The following SMYD3 variants were observed in gnomAD, a reference collection of about 807,000 sequenced individuals.
SMYD3 encodes histone-lysine N-methyltransferase SMYD3.
A neutral mutation model predicts 57.7 loss-of-function variants in SMYD3; 36 were observed. The ratio of observed to expected loss-of-function variants is 0.62; its 90% CI spans 0.48 to 0.82. SMYD3 has a LOEUF of 0.82. Among genes scored for constraint, SMYD3 ranks in the 40% least tolerant of loss-of-function variants. SMYD3 has a pLI of 0.00. For synonymous variants in SMYD3, 211 were observed against 195.0 expected, an observed-to-expected ratio of 1.08 and a Z score of -0.68; for missense variants, 515 against 538.8, an observed-to-expected ratio of 0.96 and a Z score of 0.44.
At chr1:246,073,853 G>A (rs1256961862) in intron 5 of SMYD3, among the ~76,000 whole-genome samples, 4 of 151,990 alleles carry the variant, frequency 2.6e-5, no homozygotes, top group Non-Finnish European at 5.9e-5. Flanking sequence ...AAAGCACAAC[G>A]CCAGATACTA....
intron 5 of SMYD3, among the ~76,000 whole-genome samples, chr1:246,270,105 T>C (rs2064192931): frequency 6.8e-6 from 1 of 147,722 alleles, no homozygotes; most frequent in African/African-American, 2.5e-5. Context: ...CCCTACCCTC[T>C]TAATCCCTGA....
At chr1:245,942,891 AAAT>A (rs2057299551) in intron 5 of SMYD3, among the ~76,000 whole-genome samples, 1 of 152,208 alleles carries the variant, frequency 6.6e-6, no homozygotes. Flanking sequence ...ACTCCTGGGT[AAAT>A]AATGAAATTG....
chr1:245,817,456 A>G (rs1479620651), intron 10 of SMYD3, among the ~76,000 whole-genome samples: 19 of 150,508 alleles, frequency 1.3e-4, no homozygotes, highest in East Asian at 1.2e-3. Context: ...AAAAAACAGA[A>G]CAGAAAAACT....
chr1:246,298,363 C>A (rs2064833390), intron 5 of SMYD3, among the ~76,000 whole-genome samples: 1 of 151,904 alleles, frequency 6.6e-6, no homozygotes, highest in African/African-American at 2.4e-5. Context: ...TTTTCTATGA[C>A]CAAAATCATA....
intron 2 of SMYD3, among the ~76,000 whole-genome samples, chr1:246,350,012 A>G (rs2065796836): frequency 6.6e-6 from 1 of 152,214 alleles, no homozygotes; most frequent in Non-Finnish European, 1.5e-5. Context: ...AAACCCAACC[A>G]TATGTCATCC....
chr1:246,329,914 C>T (rs1042722031), intron 4 of SMYD3, among the ~76,000 whole-genome samples: 5 of 152,122 alleles, frequency 3.3e-5, no homozygotes, highest in African/African-American at 9.7e-5. Flanking sequence ...AAAGGATCTG[C>T]GCCAATACAA....
intron 5 of SMYD3, among the ~76,000 whole-genome samples, chr1:245,978,586 A>C (rs2058513268): frequency 6.6e-6 from 1 of 152,298 alleles, no homozygotes; most frequent in Admixed American, 6.5e-5. Flanking sequence ...GGCAGAGAGA[A>C]CTATTTCAAA....
At chr1:245,913,554 A>G (rs116184010) in intron 8 of SMYD3, among the ~76,000 whole-genome samples, 4,566 of 152,152 alleles carry the variant, frequency 0.03, 229 homozygotes, top group African/African-American at 0.1. Context: ...ACTTCAGAAC[A>G]TTGGTCTAGG....
At chr1:246,314,690 A>T (rs919877882) in intron 5 of SMYD3, among the ~76,000 whole-genome samples, 2 of 152,188 alleles carry the variant, frequency 1.3e-5, no homozygotes, top group Non-Finnish European at 2.9e-5. Flanking sequence ...AATATGTAAT[A>T]CAGCAGTTCT....
At chr1:246,255,714 G>A (rs2063871290) in intron 5 of SMYD3, among the ~76,000 whole-genome samples, 1 of 150,650 alleles carries the variant, frequency 6.6e-6, no homozygotes. Context: ...ATTGGTAGCA[G>A]CTCCTATTTG....
Position 246,068,416 on chromosome 1 carries a change from G to A in SMYD3, c.532-138479C>T, listed in dbSNP as rs529002037. On this transcript the variant is annotated intron_variant, in intron 5 of 11. Transcript: ENST00000490107. ...ATAATTCTCTTCTTTATAACAAAAAGTCTTCTGACAACACAATCAAAAACG... is the reference window on the plus strand; with the variant it reads ...ATAATTCTCTTCTTTATAACAAAAAATCTTCTGACAACACAATCAAAAACG... Among the ~76,000 whole-genome samples the A allele has an allele frequency of 2.6e-5, 4 of 152,116 alleles. No homozygotes were observed. In the East Asian group the frequency reaches 7.7e-4, roughly 29 times the overall value.
intron 5 of SMYD3, among the ~76,000 whole-genome samples, chr1:246,012,031 T>G (rs1572889442): frequency 6.6e-6 from 1 of 152,150 alleles, no homozygotes; most frequent in South Asian, 2.1e-4. Flanking sequence ...GTACTGGCTG[T>G]CAATATCATT....
At chr1:245,958,245 T>A (rs901803656) in intron 5 of SMYD3, among the ~76,000 whole-genome samples, 1 of 152,178 alleles carries the variant, frequency 6.6e-6, no homozygotes, top group Non-Finnish European at 1.5e-5. Context: ...AAGTTAAATC[T>A]GAAAGCATCT....
At chr1:246,064,818 C>T (rs1026455737) in intron 5 of SMYD3, among the ~76,000 whole-genome samples, 1 of 152,206 alleles carries the variant, frequency 6.6e-6, no homozygotes, top group African/African-American at 2.4e-5. Flanking sequence ...CACTGGGAAC[C>T]GTGCATCGTT....
intron 5 of SMYD3, among the ~76,000 whole-genome samples, chr1:246,061,860 G>A (rs535478495): frequency 4.5e-4 from 69 of 152,128 alleles, no homozygotes; most frequent in Non-Finnish European, 8.4e-4. Flanking sequence ...TTACAAAGAC[G>A]TGCATTGCCT....
intron 8 of SMYD3, among the ~76,000 whole-genome samples, chr1:245,892,455 C>T (rs1455232806): frequency 2.0e-5 from 3 of 152,182 alleles, no homozygotes; most frequent in Non-Finnish European, 2.9e-5. Flanking sequence ...TTGCTGATGT[C>T]AAAGGGTTGG....
chr1:246,094,619 G>T (rs1212117139), intron 5 of SMYD3, among the ~76,000 whole-genome samples: 3 of 152,168 alleles, frequency 2.0e-5, no homozygotes, highest in African/African-American at 7.2e-5. Context: ...CAAGGTCAAA[G>T]AATTGCCGTT....
At position 245,951,205 on chromosome 1, in the gene SMYD3, G is replaced by A. The variant is rs1031010017; in HGVS notation, c.532-21268C>T. 7.2e-5 allele frequency among the ~76,000 whole-genome samples: 11 copies of A among 151,952 alleles called. No individual in the cohort carries two copies. In the East Asian group the frequency reaches 9.7e-4, roughly 13 times the overall value. On this transcript the variant is annotated intron_variant, in intron 5 of 11. Coordinates refer to ENST00000490107, the MANE Select transcript of SMYD3 (RefSeq NM_001167740.2). ...AATACCAGCGGAGTCCACGGCAGCCGACAGCCTGTTACCTTCCTTGGTTAC... is the reference window on the plus strand; with the variant it reads ...AATACCAGCGGAGTCCACGGCAGCCAACAGCCTGTTACCTTCCTTGGTTAC...
chr1:245,969,292 C>T (rs915328464), intron 5 of SMYD3, among the ~76,000 whole-genome samples: 1 of 152,152 alleles, frequency 6.6e-6, no homozygotes, highest in African/African-American at 2.4e-5. Context: ...TTAGTGAGAC[C>T]ATCAGCAACA....
Sources: gnomAD v4.1 joint callset for allele counts (sites outside exome capture counted in the v4.1 genomes callset) on GRCh38, gnomAD v4.1.1 for gene constraint, MANE v1.5 for transcripts, NCBI Gene and HGNC (gene_info 2026-07-23, HGNC 2026-07-21) for gene names.